CRHR1: variants seen among roughly 807,000 people sequenced by gnomAD.
The protein encoded by CRHR1 is corticotropin-releasing hormone receptor 1.
Under a neutral mutation model 56.0 loss-of-function variants are expected in CRHR1, and 28 were observed. That is an observed-to-expected ratio of 0.50 (90% CI 0.37 to 0.69). The LOEUF (loss-of-function observed/expected upper bound fraction) is 0.69. Among genes scored for constraint, CRHR1 ranks in the 30% least tolerant of loss-of-function variants. CRHR1 has a pLI of 0.00. For missense variants in CRHR1, 376 were observed against 548.0 expected, an observed-to-expected ratio of 0.69 and a Z score of 3.13; for synonymous variants, 195 against 216.5, an observed-to-expected ratio of 0.90 and a Z score of 0.87.
chr17:45,785,397 T>G (rs1031542975), intron 1 of CRHR1, among the ~76,000 whole-genome samples: 2 of 152,242 alleles, frequency 1.3e-5, no homozygotes, highest in Non-Finnish European at 2.9e-5. Context: ...CAGGCGTCAC[T>G]TGCAGCCCCA....
intron 8 of CRHR1, 85 bp from the exon 9 acceptor site, chr17:45,833,053 C>T: frequency 8.1e-7 from 1 of 1,237,874 alleles, no homozygotes; most frequent in Non-Finnish European, 1.2e-6. Context: ...AGCCCCAGTC[C>T]TGTCCTGGCC....
chr17:45,833,693 TCCCCAC>T lies in CRHR1; in HGVS notation c.930-18_930-13del. The T allele has an allele frequency of 6.4e-7, 1 of 1,571,610 alleles. No homozygotes were observed. Among genetic ancestry groups the T allele is most frequent in the Non-Finnish European group, 8.7e-7 (1 of 1,149,924 alleles). ...CTGGGGTGGGCTGTGACTCCGAGCC[TCCCCAC>T]CCGCCCCACCCCAGGAAGGCTGTGA... is the stretch of plus-strand genomic sequence containing the variant. On this transcript the variant is annotated splice_polypyrimidine_tract_variant and intron_variant, in intron 10 of 12. Transcript: ENST00000314537.
At chr17:45,830,716 C>A in intron 7 of CRHR1, 146 bp downstream of exon 7, 1 of 1,221,714 alleles carries the variant, frequency 8.2e-7, no homozygotes, top group East Asian at 2.5e-5. Context: ...CTCTGCTCCT[C>A]TTGGGGGTGG....
intron 10 of CRHR1, 21 bp from the exon 11 acceptor site, chr17:45,833,693 T>TGGGCCCCCCC: frequency 7.0e-6 from 11 of 1,571,538 alleles, no homozygotes; most frequent in South Asian, 1.1e-5. Flanking sequence ...ACTCCGAGCC[T>TGGGCCCCCCC]CCCCACCCGC....
intron 9 of CRHR1, 92 bp from the exon 10 acceptor site, chr17:45,833,360 G>A: frequency 6.8e-7 from 1 of 1,478,008 alleles, no homozygotes; most frequent in South Asian, 1.1e-5. Flanking sequence ...ATGAGGAGGA[G>A]GGAGAACAGC....
intron 3 of CRHR1, among the ~76,000 whole-genome samples, chr17:45,820,068 A>G (rs2062009895): frequency 6.6e-6 from 1 of 152,026 alleles, no homozygotes; most frequent in South Asian, 2.1e-4. Context: ...CTAGATCCTC[A>G]CAGGGTTCTG....
rs905052602 is a variant in CRHR1, at chr17:45,807,064, T to G, written c.88T>G (p.Cys30Gly). Residue 30 changes from cysteine to glycine, a missense_variant, in exon 2 of 13, where the codon TGC (cysteine) becomes GGC (glycine). Physicochemically the swap from Cys to Gly is radical, Grantham distance 159. Transcript: ENST00000314537. ...PVSASLQDQH[C>G]ESLSLASNIS... ...CTCTGCCTCCCTCCAGGACCAGCAC[T>G]GCGAGAGCCTGTCCCTGGCCAGCAA... The G allele has an allele frequency of 1.2e-6, 2 of 1,614,076 alleles. No homozygotes were observed. The highest frequency in any genetic ancestry group is 3.3e-5 in the Admixed American group (2 of 60,018).
chr17:45,793,505 A>G (rs924073425), intron 1 of CRHR1, among the ~76,000 whole-genome samples: 1 of 152,204 alleles, frequency 6.6e-6, no homozygotes, highest in Non-Finnish European at 1.5e-5. Flanking sequence ...AGGCAGGAGT[A>G]GCCAGGCAAG....
chr17:45,790,804 C>T (rs1366146743), intron 1 of CRHR1, among the ~76,000 whole-genome samples: 1 of 152,212 alleles, frequency 6.6e-6, no homozygotes, highest in Non-Finnish European at 1.5e-5. Flanking sequence ...TCTAGACTGA[C>T]CGCTATACTT....
chr17:45,821,300 G>T, intron 3 of CRHR1, 55 bp from the exon 4 acceptor site: 1 of 1,532,372 alleles, frequency 6.5e-7, no homozygotes. Context: ...GGCCAGGATG[G>T]TCAGGCAGGG....
At chr17:45,808,716 ATAGT>A (rs2061764651) in intron 2 of CRHR1, among the ~76,000 whole-genome samples, 1 of 152,218 alleles carries the variant, frequency 6.6e-6, no homozygotes, top group Admixed American at 6.5e-5. Flanking sequence ...TGGCACAATC[ATAGT>A]TTAGTGCAGC....
chr17:45,817,964 C>A (rs770140581), intron 3 of CRHR1, among the ~76,000 whole-genome samples: 2 of 152,138 alleles, frequency 1.3e-5, no homozygotes, highest in African/African-American at 4.8e-5. Context: ...TATCGGAGGT[C>A]GCAGAGCCTG....
intron 1 of CRHR1, among the ~76,000 whole-genome samples, chr17:45,793,550 C>T (rs2061464713): frequency 6.6e-6 from 1 of 152,212 alleles, no homozygotes; most frequent in Non-Finnish European, 1.5e-5. Context: ...TTCCTGGTAC[C>T]TTCGTGAGAT....
chr17:45,833,626 C>T, intron 10 of CRHR1, 88 bp from the exon 11 acceptor site: 1 of 1,597,240 alleles, frequency 6.3e-7, no homozygotes, highest in South Asian at 1.1e-5. Flanking sequence ...CCACTCCCTC[C>T]CCCGACCTGG....
chr17:45,784,419 C>T lies in CRHR1; in HGVS notation c.-126C>T, dbSNP rs1382171609. On this transcript the variant is annotated 5_prime_UTR_variant, in exon 1 of 13. Coordinates refer to ENST00000314537, the MANE Select transcript of CRHR1 (RefSeq NM_004382.5). This position sits in a 1 kb window ranked among gnomAD's most constrained non-coding sequence, Gnocchi z 4.2. ...GGAAGCGCCGAGCCGGGCATCTCCT[C>T]ACCAGGCAGCGACCGAGGAGCCCGG... is the stretch of plus-strand genomic sequence containing the variant. The T allele has an allele frequency of 2.4e-6, 2 of 844,166 alleles. No individual in the cohort carries two copies. The highest frequency in any genetic ancestry group is 3.6e-5 in the African/African-American group (2 of 55,714). 52.3% of individuals were successfully genotyped at this position (844,166 alleles called of 1,614,324 possible).
chr17:45,784,652 G>T lies in CRHR1; in HGVS notation c.33+75G>T. 1 of 1,424,664 alleles carries T rather than the reference G, an allele frequency of 7.0e-7. No homozygotes were observed. The highest frequency in any genetic ancestry group is 1.4e-5 in the South Asian group (1 of 72,940). 88.3% of individuals were successfully genotyped at this position (1,424,664 alleles called of 1,614,324 possible). On this transcript the variant is annotated intron_variant, in intron 1 of 12. Transcript: ENST00000314537. This position sits in a 1 kb window ranked among gnomAD's most constrained non-coding sequence, Gnocchi z 4.2. ...CGGACGCGGGACGGGGCTGGGCTGT[G>T]GGTGTGATGGGGGCGGGGGCGCTGG...
chr17:45,830,770 C>A, intron 7 of CRHR1, 110 bp from the exon 8 acceptor site: 2 of 1,255,056 alleles, frequency 1.6e-6, no homozygotes, highest in Non-Finnish European at 2.2e-6. Flanking sequence ...AGTTTGAGAT[C>A]CACCCTGAGT....
chr17:45,821,135 C>T (rs761591516), intron 3 of CRHR1, among the ~76,000 whole-genome samples: 1 of 152,210 alleles, frequency 6.6e-6, no homozygotes, highest in Non-Finnish European at 1.5e-5. Flanking sequence ...TGGGCAGAGC[C>T]GGGGGAGCCA....
At chr17:45,786,786 A>G (rs1313633707) in intron 1 of CRHR1, among the ~76,000 whole-genome samples, 1 of 151,898 alleles carries the variant, frequency 6.6e-6, no homozygotes, top group Admixed American at 6.6e-5. Flanking sequence ...GACCACAGGC[A>G]TGCACCACCA....
Sources: gnomAD v4.1 joint callset for allele counts (sites outside exome capture counted in the v4.1 genomes callset) on GRCh38, gnomAD v4.1.1 for gene constraint, Gnocchi (gnomAD v3.1) non-coding constraint, MANE v1.5 for transcripts, NCBI Gene and HGNC (gene_info 2026-07-23, HGNC 2026-07-21) for gene names.